Variants in VEGFC observed in about 807,000 individuals in gnomAD.
VEGFC encodes the protein FLT4 ligand DHM.
Under a neutral mutation model 46.1 loss-of-function variants are expected in VEGFC, and 12 were observed. That is an observed-to-expected ratio of 0.26 (90% CI 0.17 to 0.42). The LOEUF (loss-of-function observed/expected upper bound fraction) is 0.42. VEGFC is among the 10% of genes least tolerant of loss of function. The probability of loss-of-function intolerance (pLI) is 1.00; values close to 1 mark genes in which losing one functional copy is unlikely to be tolerated. For missense variants in VEGFC, 488 were observed against 529.4 expected, an observed-to-expected ratio of 0.92 and a Z score of 0.77; for synonymous variants, 232 against 195.5, an observed-to-expected ratio of 1.19 and a Z score of -1.56.
chr4:176,753,647 C>G (rs927452787), intron 1 of VEGFC, among the ~76,000 whole-genome samples: 1 of 152,050 alleles, frequency 6.6e-6, no homozygotes, highest in African/African-American at 2.4e-5. Flanking sequence ...TGCTTTTATT[C>G]CTGCATACAT....
In VEGFC at chr4:176,756,757, GTAGAT is replaced by G. The variant is rs201176870; in HGVS notation, c.148-27016_148-27012del. On this transcript the variant is annotated intron_variant, in intron 1 of 6. Coordinates refer to ENST00000618562, the MANE Select transcript of VEGFC (RefSeq NM_005429.5). Reference sequence around the variant, plus strand: ...ATGAAACACACCCTGATTTCAAGAAGTAGATTAGATTTTAAGGGTGTAAAGCAAGA... The same window carrying G: ...ATGAAACACACCCTGATTTCAAGAAGTAGATTTTAAGGGTGTAAAGCAAGA... Among the ~76,000 whole-genome samples the G allele has an allele frequency of 2.0e-3, 309 of 152,124 alleles. 1 individual carries two copies. The highest frequency in any genetic ancestry group is 7.0e-3 in the African/African-American group (292 of 41,516).
At chr4:176,767,122 C>CAAAAA (rs1735639924) in intron 1 of VEGFC, among the ~76,000 whole-genome samples, 1 of 6,290 alleles carries the variant, frequency 1.6e-4, no homozygotes, top group African/African-American at 3.1e-4. Context: ...TTGTAGAAAT[C>CAAAAA]TAAAAAAAAA....
intron 3 of VEGFC, among the ~76,000 whole-genome samples, chr4:176,722,215 AC>A (rs1206010773): frequency 1.3e-5 from 2 of 152,146 alleles, no homozygotes; most frequent in Non-Finnish European, 2.9e-5. Context: ...GATTTTTCAC[AC>A]AAGCAAATGA....
intron 1 of VEGFC, among the ~76,000 whole-genome samples, chr4:176,764,738 G>T (rs1442543535): frequency 6.6e-6 from 1 of 152,154 alleles, no homozygotes; most frequent in African/African-American, 2.4e-5. Flanking sequence ...GGAGTGATCT[G>T]TCTGCCTTTT....
At chr4:176,737,894 C>A (rs898131538) in intron 1 of VEGFC, among the ~76,000 whole-genome samples, 1 of 151,836 alleles carries the variant, frequency 6.6e-6, no homozygotes, top group Admixed American at 6.6e-5. Flanking sequence ...GTACATTCTT[C>A]AGTTGCTGAA....
intron 3 of VEGFC, among the ~76,000 whole-genome samples, chr4:176,725,399 G>A (rs971574807): frequency 1.3e-5 from 2 of 152,108 alleles, no homozygotes; most frequent in Non-Finnish European, 2.9e-5. Flanking sequence ...GAACTCCTGG[G>A]CTCCAGCGAT....
intron 4 of VEGFC, among the ~76,000 whole-genome samples, chr4:176,702,428 T>C (rs1280162349): frequency 6.6e-6 from 1 of 152,148 alleles, no homozygotes; most frequent in East Asian, 1.9e-4. Context: ...TTATTATCCA[T>C]TAAAAATAAT....
At chr4:176,732,662 T>A (rs1233066852) in intron 1 of VEGFC, among the ~76,000 whole-genome samples, 1 of 151,584 alleles carries the variant, frequency 6.6e-6, no homozygotes, top group African/African-American at 2.4e-5. Flanking sequence ...TGCTTAGCTA[T>A]TCAGAAGATA....
chr4:176,698,961 C>G (rs1418791147), intron 4 of VEGFC, among the ~76,000 whole-genome samples: 1 of 152,020 alleles, frequency 6.6e-6, no homozygotes, highest in East Asian at 1.9e-4. Context: ...GATTTACTTC[C>G]CCAGATCTCT....
intron 1 of VEGFC, among the ~76,000 whole-genome samples, chr4:176,741,465 G>A (rs1050610126): frequency 1.1e-4 from 17 of 151,888 alleles, no homozygotes; most frequent in Admixed American, 9.2e-4. Context: ...TATTTTTAGT[G>A]TCATAGCAAT....
At chr4:176,723,186 AAAG>A (rs1474777434) in intron 3 of VEGFC, among the ~76,000 whole-genome samples, 2 of 152,298 alleles carry the variant, frequency 1.3e-5, no homozygotes, top group East Asian at 3.9e-4. Context: ...ATGAGAGAAT[AAAG>A]AAGAATTTTC....
intron 1 of VEGFC, among the ~76,000 whole-genome samples, chr4:176,788,051 T>G (rs748860712): frequency 6.6e-6 from 1 of 152,194 alleles, no homozygotes; most frequent in African/African-American, 2.4e-5. Flanking sequence ...AGAGGAAGTA[T>G]AACGCTTCTG....
intron 1 of VEGFC, among the ~76,000 whole-genome samples, chr4:176,744,758 G>T (rs577836252): frequency 1.3e-5 from 2 of 152,014 alleles, no homozygotes; most frequent in Non-Finnish European, 2.9e-5. Flanking sequence ...ATATTAATTT[G>T]TTTTATAAAT....
At chr4:176,765,704 G>A (rs190872115) in intron 1 of VEGFC, among the ~76,000 whole-genome samples, 6 of 151,880 alleles carry the variant, frequency 4.0e-5, no homozygotes, top group Admixed American at 1.3e-4. Flanking sequence ...ACAGGTGCCC[G>A]CCACCACACC....
chr4:176,692,369 G>A (rs1734207811), intron 4 of VEGFC, among the ~76,000 whole-genome samples: 1 of 134,338 alleles, frequency 7.4e-6, no homozygotes, highest in Non-Finnish European at 1.5e-5. Flanking sequence ...ACTCCAGCCT[G>A]GGCGACAGAG....
chr4:176,692,349 C>G lies in VEGFC; in HGVS notation c.705-4422G>C, dbSNP rs577338353. 5.8e-4 allele frequency among the ~76,000 whole-genome samples: 78 copies of G among 134,270 alleles called. 11 individuals carry two copies. Among genetic ancestry groups the G allele is most frequent in the Non-Finnish European group, 9.8e-4 (65 of 66,118 alleles). The allele number at this position is 134,270 out of a possible 152,430, so 88.1% of individuals were successfully genotyped here. A position where few individuals can be genotyped will look rare whatever the true frequency, so the allele number is the denominator to read the frequency against. ...GCGGAGCTTGCAGTGAGCCGAGATC[C>G]CGCCACTGCACTCCAGCCTGGGCGA... is the stretch of plus-strand genomic sequence containing the variant. On this transcript the variant is annotated intron_variant, in intron 4 of 6. Transcript: ENST00000618562.
intron 1 of VEGFC, among the ~76,000 whole-genome samples, chr4:176,743,256 T>C (rs1044963938): frequency 2.6e-5 from 4 of 152,052 alleles, no homozygotes; most frequent in Admixed American, 6.6e-5. Context: ...GATAGAAGCT[T>C]GTTTCCAAAC....
chr4:176,721,042 G>A (rs1196445762), intron 3 of VEGFC, among the ~76,000 whole-genome samples: 1 of 152,092 alleles, frequency 6.6e-6, no homozygotes, highest in Non-Finnish European at 1.5e-5. Flanking sequence ...CATGTGTAGG[G>A]AGATGTTTCA....
intron 4 of VEGFC, among the ~76,000 whole-genome samples, chr4:176,697,455 G>A (rs1734340270): frequency 6.6e-6 from 1 of 152,198 alleles, no homozygotes; most frequent in South Asian, 2.1e-4. Flanking sequence ...ACACCACGTA[G>A]AATGGCAATC....
Sources: allele counts gnomAD v4.1 joint callset (sites outside exome capture counted in the v4.1 genomes callset), GRCh38; gene constraint gnomAD v4.1.1; transcripts MANE v1.5; gene names NCBI Gene and HGNC (gene_info 2026-07-23, HGNC 2026-07-21).